CLMN: variants seen among roughly 807,000 people sequenced by gnomAD.
CLMN encodes the protein calmin.
CLMN carries 57 observed loss-of-function variants against 92.7 expected under a neutral mutation model. That is an observed-to-expected ratio of 0.61 (90% CI 0.50 to 0.77). The LOEUF (loss-of-function observed/expected upper bound fraction) is 0.77. Ranked by LOEUF, CLMN falls within the 30% of genes least tolerant of loss-of-function variation. The pLI is 0.00. For missense variants in CLMN, 1,158 were observed against 1,237.5 expected (o/e 0.94, Z 0.96); for synonymous variants, 466 against 470.6 (o/e 0.99, Z 0.13).
intron 4 of CLMN, among the ~76,000 whole-genome samples, chr14:95,217,600 A>G (rs573739528): frequency 1.3e-5 from 2 of 152,338 alleles, no homozygotes; most frequent in Admixed American, 1.3e-4. Context: ...TGGATCACCC[A>G]CGAGAACTCG....
chr14:95,222,947 C>G (rs1897595782), intron 3 of CLMN, among the ~76,000 whole-genome samples: 3 of 152,200 alleles, frequency 2.0e-5, no homozygotes, highest in Admixed American at 2.0e-4. Flanking sequence ...AGTTGTGACC[C>G]CGTTGCTGCA....
chr14:95,194,390 A>G lies in CLMN; in HGVS notation c.2769+146T>C. 4.0e-6 allele frequency: 6 copies of G among 1,504,626 alleles called. No homozygotes were observed. The highest frequency in any genetic ancestry group is 5.3e-6 in the Non-Finnish European group (6 of 1,124,944). The allele number at this position is 1,504,626 out of a possible 1,614,324, so 93.2% of individuals were successfully genotyped here. On this transcript the variant is annotated intron_variant, in intron 11 of 12. Transcript: ENST00000298912. This position sits in a 1 kb window ranked among gnomAD's most constrained non-coding sequence, Gnocchi z 4.0. ...ATATCCGATCGGACTGTGCTTAATG[A>G]TAAGGTTCCAATCTGCTTGTCTTCT...
chr14:95,291,561 C>A (rs558287049), intron 1 of CLMN, among the ~76,000 whole-genome samples: 2 of 152,166 alleles, frequency 1.3e-5, no homozygotes, highest in African/African-American at 2.4e-5. Flanking sequence ...CCAGGAGAGA[C>A]GGAGTCAGAC....
In CLMN at chr14:95,230,133, A is replaced by T. The variant is rs540366762; in HGVS notation, c.83T>A (p.Val28Asp). Residue 28 changes from valine (V) to aspartate (D), a missense_variant and splice_region_variant, in exon 2 of 13, where the codon GTT (valine) becomes GAT (aspartate). By Grantham distance (152) the Val-to-Asp change is radical. Coordinates refer to ENST00000298912, the MANE Select transcript of CLMN (RefSeq NM_024734.4). The stretch of plus-strand genomic sequence containing the variant: ...CCTCTTCTGCACATTTTCCCTCTCA[A>T]CTGAAAACAAAGACATACCATCAGC... ...ISDIRVQNLQ[V>D]ERENVQKRTF... is the part of the protein sequence containing the mutation. 3 of 1,613,854 alleles carry T rather than the reference A, an allele frequency of 1.9e-6. No homozygotes were observed. Among genetic ancestry groups the T allele is most frequent in the Admixed American group, 1.7e-5 (1 of 60,022 alleles).
intron 1 of CLMN, among the ~76,000 whole-genome samples, chr14:95,273,534 T>C (rs2140725849): frequency 6.6e-6 from 1 of 152,186 alleles, no homozygotes; most frequent in Non-Finnish European, 1.5e-5. Flanking sequence ...TAAACACTAC[T>C]CCCAGTGCAG....
At chr14:95,217,430 T>C (rs1401471073) in intron 4 of CLMN, among the ~76,000 whole-genome samples, 1 of 152,094 alleles carries the variant, frequency 6.6e-6, no homozygotes, top group Non-Finnish European at 1.5e-5. Context: ...CTGCAGTCTG[T>C]TTTGAGGACA....
chr14:95,297,951 T>A (rs573790887), intron 1 of CLMN, among the ~76,000 whole-genome samples: 2 of 152,180 alleles, frequency 1.3e-5, no homozygotes, highest in Non-Finnish European at 2.9e-5. Context: ...TGAGGCTGTA[T>A]GGTAGAGTAT....
Position 95,237,674 on chromosome 14 carries a change from A to C in CLMN, c.83-7541T>G, listed in dbSNP as rs536526512. 1.6e-4 allele frequency among the ~76,000 whole-genome samples: 25 copies of C among 152,314 alleles called. 1 individual carries two copies. The South Asian group carries it at 4.6e-3, about 28-fold the overall frequency. ...CATTTCCCAAGAAGCCCAGCGTCTC[A>C]CAGCCGTCTCGGCACCAGAGGACAG... On this transcript the variant is annotated intron_variant, in intron 1 of 12. Transcript: ENST00000298912.
chr14:95,318,297 C>T (rs1430014102), intron 1 of CLMN, among the ~76,000 whole-genome samples: 1 of 152,182 alleles, frequency 6.6e-6, no homozygotes, highest in East Asian at 1.9e-4. Flanking sequence ...AGGCACTTGG[C>T]TTATTATCAA....
chr14:95,204,378 T>G lies in CLMN; in HGVS notation c.971A>C (p.Lys324Thr). The stretch of plus-strand genomic sequence containing the variant: ...CCCATTTTCAGTCAGAACGAAGACT[T>G]TGCTCTCCTGTTCAGAAGGAGTTTC... The part of the protein sequence containing the change: ...IKETPSEQES[K>T]VFVLTENGER... Residue 324 changes from lysine (K) to threonine (T), a missense_variant, in exon 9 of 13, where the codon AAA becomes ACA. Lys to Thr is a moderately conservative substitution (Grantham distance 78). Coordinates refer to ENST00000298912, the MANE Select transcript of CLMN (RefSeq NM_024734.4). 6.2e-7 allele frequency: 1 copy of G among 1,614,016 alleles called. No individual in the cohort carries two copies. Among genetic ancestry groups the G allele is most frequent in the Non-Finnish European group, 8.5e-7 (1 of 1,179,976 alleles).
In CLMN at chr14:95,203,389, T is replaced by C; in HGVS notation, c.1960A>G (p.Lys654Glu). 2 of 1,614,154 alleles carry C rather than the reference T, an allele frequency of 1.2e-6. No individual in the cohort carries two copies. The highest frequency in any genetic ancestry group is 2.7e-5 in the African/African-American group (2 of 75,030). ...TTGGCCTTTTCATGCACCTCTGGCT[T>C]TTTATCCACTGGTGTCTCTTCTGGG... The part of the protein sequence containing the change: ...SAPEETPVDK[K>E]PEVHEKAKRK... The change falls in exon 9 of 13, where the codon AAG becomes GAG. Residue 654 changes from lysine to glutamate, a missense_variant. Physicochemically the swap from Lys to Glu is moderately conservative, Grantham distance 56. Transcript: ENST00000298912.
At position 95,183,339 on chromosome 14, in the gene CLMN, A is replaced by G. The variant is rs890045684; in HGVS notation, c.*8225T>C. The G allele has an allele frequency of 6.6e-6, 1 of 152,254 alleles. No individual in the cohort carries two copies. Among genetic ancestry groups the G allele is most frequent in the Non-Finnish European group, 1.5e-5 (1 of 68,044 alleles). The allele number at this position is 152,254 out of a possible 1,614,324, so 9.4% of individuals were successfully genotyped here. The stretch of plus-strand genomic sequence containing the variant: ...ATGGGCTTGTAGAGAATACACACCT[A>G]TTGATTTTTGCTGGGGCTAAAGGAA... On this transcript the variant is annotated 3_prime_UTR_variant, in exon 13 of 13. Transcript: ENST00000298912.
At chr14:95,228,127 G>A (rs1416365737) in intron 2 of CLMN, among the ~76,000 whole-genome samples, 5 of 152,188 alleles carry the variant, frequency 3.3e-5, no homozygotes, top group South Asian at 2.1e-4. Flanking sequence ...TATTCACCAC[G>A]TGACCCTCTG....
chr14:95,296,648 CTTCT>C (rs918076873), intron 1 of CLMN, among the ~76,000 whole-genome samples: 4 of 152,214 alleles, frequency 2.6e-5, no homozygotes, highest in African/African-American at 4.8e-5. Flanking sequence ...ATCATCCTTC[CTTCT>C]GTCACGCTGC....
At chr14:95,314,601 C>T (rs914177471) in intron 1 of CLMN, among the ~76,000 whole-genome samples, 4 of 152,186 alleles carry the variant, frequency 2.6e-5, no homozygotes, top group African/African-American at 9.7e-5. Context: ...AATCTCACAG[C>T]GAGTTTGCAA....
At chr14:95,219,054 C>G (rs1897443825) in intron 4 of CLMN, among the ~76,000 whole-genome samples, 1 of 152,208 alleles carries the variant, frequency 6.6e-6, no homozygotes, top group African/African-American at 2.4e-5. Flanking sequence ...CATGTGAGGT[C>G]TCTTCCAGCT....
At chr14:95,314,311 C>T (rs1901669238) in intron 1 of CLMN, among the ~76,000 whole-genome samples, 1 of 152,092 alleles carries the variant, frequency 6.6e-6, no homozygotes, top group Non-Finnish European at 1.5e-5. Context: ...TGAAATGCAA[C>T]ATTTTCTACC....
rs1161186940 is a variant in CLMN, at chr14:95,245,222, ATAT to A, written c.83-15092_83-15090del. On this transcript the variant is annotated intron_variant, in intron 1 of 12. Coordinates refer to ENST00000298912, the MANE Select transcript of CLMN (RefSeq NM_024734.4). The stretch of plus-strand genomic sequence containing the variant: ...ATATATATATATTATATATATATAT[ATAT>A]TATATATATATATTATATATATATA... 2.3e-3 allele frequency among the ~76,000 whole-genome samples: 76 copies of A among 33,396 alleles called. 5 individuals carry two copies. The highest frequency in any genetic ancestry group is 0.013 in the African/African-American group (72 of 5,368). The allele number at this position is 33,396 out of a possible 152,430, so 21.9% of individuals were successfully genotyped here.
intron 1 of CLMN, 46 bp downstream of exon 1, chr14:95,319,665 C>G (rs765106821): frequency 1.4e-6 from 2 of 1,480,214 alleles, no homozygotes. Flanking sequence ...GCGCCCCGGG[C>G]CCCCCGAGCG....
Sources: allele counts gnomAD v4.1 joint callset (sites outside exome capture counted in the v4.1 genomes callset), GRCh38; gene constraint gnomAD v4.1.1; non-coding constraint Gnocchi (gnomAD v3.1); transcripts MANE v1.5; gene names NCBI Gene and HGNC (gene_info 2026-07-23, HGNC 2026-07-21).